NBAS: variants seen among roughly 807,000 people sequenced by gnomAD.
NBAS encodes NBAS subunit of NRZ tethering complex, also known as NAG/BC035112 fusion.
A neutral mutation model predicts 302.5 loss-of-function variants in NBAS; 219 were observed. That is an observed-to-expected ratio of 0.72 (90% confidence interval 0.65 to 0.81). The LOEUF is 0.81. Ranked by LOEUF, NBAS falls within the 30% of genes least tolerant of loss-of-function variation. The pLI is 0.00. For synonymous variants in NBAS, 1,118 were observed against 1,021.6 expected, an observed-to-expected ratio of 1.09 and a Z score of -1.80; for missense variants, 2,932 against 2,841.6, an observed-to-expected ratio of 1.03 and a Z score of -0.72.
the NBAS span, among the ~76,000 whole-genome samples, chr2:15,078,733 G>A: frequency 1.1e-3 from 170 of 152,234 alleles, no homozygotes; most frequent in African/African-American, 3.9e-3. Flanking sequence ...AAAAAATTTC[G>A]ACTGTACAGA....
At chr2:14,846,320 T>C in the NBAS span, among the ~76,000 whole-genome samples, 4 of 151,748 alleles carry the variant, frequency 2.6e-5, no homozygotes, top group Non-Finnish European at 5.9e-5. Context: ...CAGAATAATA[T>C]ATCCAGTGAA....
intron 35 of NBAS, among the ~76,000 whole-genome samples, chr2:15,332,784 T>C (rs527375913): frequency 6.6e-6 from 1 of 152,254 alleles, no homozygotes; most frequent in Admixed American, 6.5e-5. Context: ...GGGTTCCAGA[T>C]TGTGGCATAT....
chr2:14,996,670 T>C, the NBAS span, among the ~76,000 whole-genome samples: 1 of 152,190 alleles, frequency 6.6e-6, no homozygotes, highest in Non-Finnish European at 1.5e-5. Context: ...CTGAATTTAA[T>C]ATTATGGGAA....
chr2:15,292,085 G>A (rs971325678), intron 41 of NBAS, among the ~76,000 whole-genome samples: 22 of 152,088 alleles, frequency 1.4e-4, no homozygotes, highest in Non-Finnish European at 2.2e-4. Context: ...AAGGATTCTC[G>A]TGCCTCAGCC....
intron 47 of NBAS, among the ~76,000 whole-genome samples, chr2:15,219,858 T>C: frequency 1.4e-5 from 2 of 141,662 alleles, no homozygotes; most frequent in South Asian, 2.4e-4. Flanking sequence ...CCAGACGGGG[T>C]CGTGGCCGGG....
intron 11 of NBAS, among the ~76,000 whole-genome samples, chr2:15,501,148 A>C (rs1036374165): frequency 6.6e-6 from 1 of 151,316 alleles, no homozygotes; most frequent in Non-Finnish European, 1.5e-5. Context: ...AAAAATACAA[A>C]AAGTTAGCCG....
chr2:15,525,876 C>T (rs571226059), intron 9 of NBAS, among the ~76,000 whole-genome samples: 33 of 152,176 alleles, frequency 2.2e-4, no homozygotes, highest in African/African-American at 7.2e-4. Flanking sequence ...GTAAGTGCCA[C>T]TTAAAAATCT....
the NBAS span, among the ~76,000 whole-genome samples, chr2:15,046,212 C>T: frequency 1.3e-5 from 2 of 152,168 alleles, no homozygotes; most frequent in African/African-American, 4.8e-5. Flanking sequence ...CTCCTTTCAT[C>T]TCTCTACATC....
At chr2:15,511,408 C>G in intron 9 of NBAS, 58 bp from the exon 10 acceptor site, 1 of 1,505,064 alleles carries the variant, frequency 6.6e-7, no homozygotes. Context: ...AAGAGCAAAA[C>G]AAAGAGAGCA....
Position 15,561,293 on chromosome 2 carries a change from G to A in NBAS, c.12C>T (p.Pro4=), listed in dbSNP as rs369178214. 13 of 1,612,854 alleles carry A rather than the reference G, an allele frequency of 8.1e-6. No individual in the cohort carries two copies. Among genetic ancestry groups the A allele is most frequent in the Non-Finnish European group, 1.0e-5 (12 of 1,179,942 alleles). The change falls in exon 1 of 52, where the codon CCC becomes CCT. Residue 4 remains proline, a synonymous_variant. Transcript: ENST00000281513. MAA[P]ESGPALSPGT... ...CTGGACTCAAAGCCGGCCCTGACTC[G>A]GGGGCCGCCATGTTCGCCGAGGACT...
At chr2:15,298,138 G>A (rs186566788) in intron 40 of NBAS, among the ~76,000 whole-genome samples, 2 of 152,156 alleles carry the variant, frequency 1.3e-5, no homozygotes, top group African/African-American at 2.4e-5. Flanking sequence ...TGAGCCCAGG[G>A]GTTTGGGACC....
chr2:14,922,950 A>C, the NBAS span, among the ~76,000 whole-genome samples: 1 of 152,274 alleles, frequency 6.6e-6, no homozygotes, highest in African/African-American at 2.4e-5. Flanking sequence ...CAGGAGATCG[A>C]GACCATCCTG....
At chr2:15,352,168 C>G (rs552562000) in intron 34 of NBAS, 87 bp from the exon 35 acceptor site, 2 of 923,654 alleles carry the variant, frequency 2.2e-6, no homozygotes, top group South Asian at 1.4e-5. Flanking sequence ...TTAAAAAGTA[C>G]TTTTAAAAAG....
At chr2:15,088,198 G>A in the NBAS span, among the ~76,000 whole-genome samples, 9 of 152,286 alleles carry the variant, frequency 5.9e-5, no homozygotes, top group Non-Finnish European at 1.3e-4. Flanking sequence ...CACTGGTGAA[G>A]AGCAAAAGGT....
chr2:15,285,980 C>T (rs1670024067), intron 42 of NBAS, among the ~76,000 whole-genome samples: 1 of 152,158 alleles, frequency 6.6e-6, no homozygotes, highest in Admixed American at 6.5e-5. Context: ...TTTCCTCACA[C>T]TTCCCCCAAA....
the NBAS span, among the ~76,000 whole-genome samples, chr2:14,792,843 A>C: frequency 1.3e-5 from 2 of 152,202 alleles, no homozygotes; most frequent in Admixed American, 1.3e-4. Flanking sequence ...CAGATGTTAG[A>C]ATTATCTGAC....
At chr2:15,121,466 G>C in the NBAS span, among the ~76,000 whole-genome samples, 1 of 151,946 alleles carries the variant, frequency 6.6e-6, no homozygotes, top group Non-Finnish European at 1.5e-5. Flanking sequence ...AATGTTCGAG[G>C]TACACGTCAA....
chr2:15,434,156 C>A lies in NBAS; in HGVS notation c.2340-6362G>T, dbSNP rs1677896488. On this transcript the variant is annotated intron_variant, in intron 21 of 51. Coordinates refer to ENST00000281513, the MANE Select transcript of NBAS (RefSeq NM_015909.4). ...AAATTAAATTAATTAAATAACTTCC[C>A]AAAAAAGTCAGTTATATAACTCAGA... 2.0e-5 allele frequency among the ~76,000 whole-genome samples: 3 copies of A among 151,646 alleles called. 1 individual carries two copies. The highest frequency in any genetic ancestry group is 6.6e-5 in the Admixed American group (1 of 15,220).
intron 35 of NBAS, among the ~76,000 whole-genome samples, chr2:15,341,758 A>G (rs1294563475): frequency 1.3e-5 from 2 of 152,202 alleles, no homozygotes; most frequent in East Asian, 1.9e-4. Context: ...AATCTAATCA[A>G]TATCATGATT....
Sources: allele counts gnomAD v4.1 joint callset (sites outside exome capture counted in the v4.1 genomes callset), GRCh38; gene constraint gnomAD v4.1.1; transcripts MANE v1.5; gene names NCBI Gene and HGNC (gene_info 2026-07-23, HGNC 2026-07-21).